STIM2: variants seen among roughly 807,000 people sequenced by gnomAD.
The protein encoded by STIM2 is stromal interaction molecule 2.
STIM2 carries 31 observed loss-of-function variants against 85.8 expected under a neutral mutation model. The observed-to-expected ratio is 0.36, with a 90% CI of 0.27 to 0.49. STIM2 has a LOEUF of 0.49. Among genes scored for constraint, STIM2 ranks in the 20% least tolerant of loss-of-function variants. The probability of loss-of-function intolerance (pLI) is 0.98; values close to 1 mark genes in which losing one functional copy is unlikely to be tolerated. For missense variants in STIM2, 841 were observed against 927.6 expected (o/e 0.91, Z 1.21); for synonymous variants, 356 against 331.1 (o/e 1.08, Z -0.82).
At chr4:26,988,402 G>A (rs1290215045) in intron 3 of STIM2, among the ~76,000 whole-genome samples, 1 of 152,166 alleles carries the variant, frequency 6.6e-6, no homozygotes, top group African/African-American at 2.4e-5. Context: ...TGGCAAAGAA[G>A]GAAGAAAGGA....
chr4:26,964,281 T>A (rs1398119868), intron 3 of STIM2, among the ~76,000 whole-genome samples: 20 of 152,162 alleles, frequency 1.3e-4, no homozygotes, highest in Admixed American at 1.2e-3. Context: ...TCTGTATCTG[T>A]CTTGATAGCA....
intron 1 of STIM2, among the ~76,000 whole-genome samples, chr4:26,881,332 G>C (rs527567540): frequency 1.6e-4 from 25 of 152,170 alleles, no homozygotes; most frequent in Non-Finnish European, 2.9e-4. Flanking sequence ...CCGGTGTGGT[G>C]GTGCATGTCT....
intron 10 of STIM2, among the ~76,000 whole-genome samples, chr4:27,014,795 C>G (rs1428365451): frequency 6.6e-6 from 1 of 151,880 alleles, no homozygotes; most frequent in African/African-American, 2.4e-5. Context: ...TGGTCAGTTT[C>G]TCCTTACAAT....
chr4:27,005,568 G>A (rs1225001689), intron 7 of STIM2, among the ~76,000 whole-genome samples: 1 of 152,146 alleles, frequency 6.6e-6, no homozygotes, highest in Non-Finnish European at 1.5e-5. Flanking sequence ...TGCAAAAGCT[G>A]TTTATTACTC....
intron 3 of STIM2, among the ~76,000 whole-genome samples, chr4:26,968,955 T>C (rs933502537): frequency 6.6e-5 from 10 of 152,218 alleles, no homozygotes; most frequent in African/African-American, 2.4e-4. Flanking sequence ...TACTATGTGT[T>C]AGTGGTAGTC....
chr4:26,885,833 A>ATG (rs1560194513), intron 1 of STIM2, among the ~76,000 whole-genome samples: 1 of 24,696 alleles, frequency 4.0e-5, no homozygotes. Flanking sequence ...ATATATATAT[A>ATG]TATATATATA....
At chr4:27,019,501 A>G (rs920613683) in intron 11 of STIM2, 2 of 1,289,356 alleles carry the variant, frequency 1.6e-6, no homozygotes, top group Non-Finnish European at 2.0e-6. Flanking sequence ...GTCTAATAAA[A>G]CTTCCTGCAT....
rs532450221 is a variant in STIM2, at chr4:26,941,835, A to G, written c.283-15777A>G. On this transcript the variant is annotated intron_variant, in intron 2 of 11. Transcript: ENST00000467087. ...TTTTTTGAGTTATATTTTATATACA[A>G]TTCAATGTAGAGATTTTAGGTGTAT... Among the ~76,000 whole-genome samples, 5 of 152,242 alleles carry G rather than the reference A, an allele frequency of 3.3e-5. No homozygotes were observed. The South Asian group carries it at 1.0e-3, about 32-fold the overall frequency.
At chr4:26,956,468 G>A (rs1055537010) in intron 2 of STIM2, among the ~76,000 whole-genome samples, 3 of 149,938 alleles carry the variant, frequency 2.0e-5, no homozygotes, top group African/African-American at 7.4e-5. Context: ...TTAAGAGACA[G>A]GTTCTTGCCT....
intron 1 of STIM2, among the ~76,000 whole-genome samples, chr4:26,887,906 C>G (rs184585455): frequency 2.0e-5 from 3 of 152,082 alleles, no homozygotes; most frequent in African/African-American, 7.2e-5. Flanking sequence ...TTGAAAAGAT[C>G]CAAATCCAAA....
chr4:26,882,614 A>G (rs907499442), intron 1 of STIM2, among the ~76,000 whole-genome samples: 1 of 151,428 alleles, frequency 6.6e-6, no homozygotes. Flanking sequence ...GGCATGTGCC[A>G]CCATACCCAG....
Position 26,995,507 on chromosome 4 carries a change from C to A in STIM2, c.509+17C>A. 1 of 1,511,792 alleles carries A rather than the reference C, an allele frequency of 6.6e-7. No individual in the cohort carries two copies. Among genetic ancestry groups the A allele is most frequent in the Non-Finnish European group, 9.0e-7 (1 of 1,106,338 alleles). 93.6% of individuals were successfully genotyped at this position (1,511,792 alleles called of 1,614,324 possible). On this transcript the variant is annotated intron_variant, in intron 4 of 11. Coordinates refer to ENST00000467087, the MANE Select transcript of STIM2 (RefSeq NM_020860.4). ...ACTTCCCAGGTGAGTCTTTGTTATG[C>A]AAATGTATTTTCCACTCAGGGAGAA...
Position 26,885,842 on chromosome 4 carries a change from T to TAC in STIM2, c.151+24474_151+24475insCA, listed in dbSNP as rs1560194578. 1.9e-3 allele frequency among the ~76,000 whole-genome samples: 69 copies of TAC among 35,792 alleles called. No individual in the cohort carries two copies. The South Asian group carries it at 0.02, about 10-fold the overall frequency. 23.5% of individuals were successfully genotyped at this position (35,792 alleles called of 152,430 possible). A position where few individuals can be genotyped will look rare whatever the true frequency, so the allele number is the denominator to read the frequency against. Reference sequence around the variant, plus strand: ...CAGGTTATATATATATATATATATATATATATATATATATATATATATATA... The same window carrying TAC: ...CAGGTTATATATATATATATATATATACATATATATATATATATATATATATA... On this transcript the variant is annotated intron_variant, in intron 1 of 11. Coordinates refer to ENST00000467087, the MANE Select transcript of STIM2 (RefSeq NM_020860.4).
intron 3 of STIM2, among the ~76,000 whole-genome samples, chr4:26,978,325 T>A (rs1199530792): frequency 6.7e-6 from 1 of 148,354 alleles, no homozygotes; most frequent in Non-Finnish European, 1.5e-5. Context: ...GAATATATAT[T>A]ATATATATAT....
At chr4:26,863,489 A>C (rs1346583287) in intron 1 of STIM2, among the ~76,000 whole-genome samples, 1 of 152,072 alleles carries the variant, frequency 6.6e-6, no homozygotes, top group Non-Finnish European at 1.5e-5. Context: ...AATATTGAAA[A>C]TTTCTTTGAA....
intron 1 of STIM2, 109 bp downstream of exon 1, chr4:26,861,478 C>T (rs1047875274): frequency 4.1e-6 from 5 of 1,231,096 alleles, no homozygotes; most frequent in African/African-American, 1.6e-5. Context: ...CGGCTCCGGC[C>T]AGGGCGCGAT....
chr4:26,906,178 G>C (rs1392647524), intron 1 of STIM2, among the ~76,000 whole-genome samples: 1 of 152,088 alleles, frequency 6.6e-6, no homozygotes, highest in Non-Finnish European at 1.5e-5. Context: ...TACAGACACA[G>C]AAAACCAAAT....
chr4:26,987,962 A>G (rs1727640030), intron 3 of STIM2, among the ~76,000 whole-genome samples: 1 of 152,236 alleles, frequency 6.6e-6, no homozygotes, highest in African/African-American at 2.4e-5. Flanking sequence ...GTTCAATTCT[A>G]GCTCTCTCAG....
intron 1 of STIM2, among the ~76,000 whole-genome samples, chr4:26,875,976 G>A (rs980988105): frequency 1.3e-5 from 2 of 152,136 alleles, no homozygotes; most frequent in African/African-American, 4.8e-5. Flanking sequence ...CTTATGAGAT[G>A]TTTGAAAAAC....
Sources: allele counts gnomAD v4.1 joint callset (sites outside exome capture counted in the v4.1 genomes callset), GRCh38; gene constraint gnomAD v4.1.1; transcripts MANE v1.5; gene names NCBI Gene and HGNC (gene_info 2026-07-23, HGNC 2026-07-21).